Variants in CETN3 observed in about 807,000 individuals in gnomAD.
CETN3 encodes the protein centrin 3, also known as centrin-3.
A neutral mutation model predicts 20.1 loss-of-function variants in CETN3; 17 were observed. That is an observed-to-expected ratio of 0.85 (90% CI 0.58 to 1.27). CETN3 has a LOEUF of 1.27. CETN3 is among the 50% of genes most tolerant of loss of function. CETN3 has a pLI of 0.00. For missense variants in CETN3, 169 were observed against 191.2 expected, an observed-to-expected ratio of 0.88 and a Z score of 0.69; for synonymous variants, 52 against 59.7, an observed-to-expected ratio of 0.87 and a Z score of 0.59.
At position 90,393,204 on chromosome 5, in the gene CETN3, T is replaced by C. The variant is rs1458350157; in HGVS notation, c.*860A>G. The C allele has an allele frequency of 1.3e-5, 2 of 152,184 alleles. No individual in the cohort carries two copies. The highest frequency in any genetic ancestry group is 4.8e-5 in the African/African-American group (2 of 41,442). The allele number at this position is 152,184 out of a possible 1,614,324, so 9.4% of individuals were successfully genotyped here. A position where few individuals can be genotyped will look rare whatever the true frequency, so the allele number is the denominator to read the frequency against. On this transcript the variant is annotated 3_prime_UTR_variant, in exon 5 of 5. Coordinates refer to ENST00000283122, the MANE Select transcript of CETN3 (RefSeq NM_004365.4). ...TGGTGAATCACAGACTGTTCCTTCA[T>C]ATAGGTAAAACATAGACTTAAATTA...
chr5:90,400,534 G>A (rs1048596338), intron 3 of CETN3, among the ~76,000 whole-genome samples: 1 of 150,300 alleles, frequency 6.7e-6, no homozygotes, highest in Non-Finnish European at 1.5e-5. Context: ...GGTATTTATG[G>A]CCTTTACTAT....
At chr5:90,395,984 T>C in intron 4 of CETN3, 2 of 890,294 alleles carry the variant, frequency 2.2e-6, no homozygotes, top group South Asian at 5.2e-5. Context: ...CACAAAATAC[T>C]ATTTATTATT....
intron 2 of CETN3, among the ~76,000 whole-genome samples, chr5:90,406,135 C>T (rs763119071): frequency 9.9e-5 from 15 of 151,804 alleles, no homozygotes; most frequent in Non-Finnish European, 1.8e-4. Flanking sequence ...GAGAAAAAGG[C>T]GTGGCATAAA....
intron 3 of CETN3, among the ~76,000 whole-genome samples, chr5:90,402,901 G>A (rs1194660667): frequency 2.0e-5 from 3 of 152,166 alleles, no homozygotes; most frequent in Admixed American, 6.5e-5. Context: ...CCCAACCCCA[G>A]TACAGTACCT....
intron 2 of CETN3, among the ~76,000 whole-genome samples, chr5:90,406,111 T>G (rs966283685): frequency 2.0e-5 from 3 of 152,066 alleles, no homozygotes; most frequent in African/African-American, 7.2e-5. Flanking sequence ...TCTGAAGGGA[T>G]TAACAATCAA....
At chr5:90,396,312 A>G in intron 4 of CETN3, 1 of 985,200 alleles carries the variant, frequency 1.0e-6, no homozygotes. Flanking sequence ...GTAAGAACGT[A>G]ATACAAAATC....
chr5:90,393,649 G>T lies in CETN3; in HGVS notation c.*415C>A, dbSNP rs1039918050. On this transcript the variant is annotated 3_prime_UTR_variant, in exon 5 of 5. Coordinates refer to ENST00000283122, the MANE Select transcript of CETN3 (RefSeq NM_004365.4). The stretch of plus-strand genomic sequence containing the variant: ...GAAACTAGTAAAATTATAAAGGGAA[G>T]ATTTAAGAAATCCACTCTTGAGGGT... 1 of 152,238 alleles carries T rather than the reference G, an allele frequency of 6.6e-6. No individual in the cohort carries two copies. Among genetic ancestry groups the T allele is most frequent in the African/African-American group, 2.4e-5 (1 of 41,384 alleles). The allele number at this position is 152,238 out of a possible 1,614,324, so 9.4% of individuals were successfully genotyped here.
chr5:90,409,726 C>A lies in CETN3; in HGVS notation c.-65G>T. The A allele has an allele frequency of 6.3e-7, 1 of 1,596,860 alleles. No homozygotes were observed. The highest frequency in any genetic ancestry group is 8.6e-7 in the Non-Finnish European group (1 of 1,164,712). ...TAACCCCCTACCCAAGGCAGCAAGA[C>A]GCCCACAGCCGTTCAACAGACACGA... On this transcript the variant is annotated 5_prime_UTR_variant, in exon 1 of 5. Transcript: ENST00000283122.
At chr5:90,404,788 T>C (rs907712369) in intron 3 of CETN3, among the ~76,000 whole-genome samples, 5 of 151,936 alleles carry the variant, frequency 3.3e-5, no homozygotes, top group Non-Finnish European at 2.9e-5. Context: ...TTTGTGTATA[T>C]AGCAGAATTT....
intron 1 of CETN3, among the ~76,000 whole-genome samples, chr5:90,408,075 C>T (rs1310443056): frequency 1.3e-5 from 2 of 152,014 alleles, no homozygotes; most frequent in Non-Finnish European, 2.9e-5. Context: ...TTTTCTTTTT[C>T]CCAGCTTTTT....
Position 90,394,053 on chromosome 5 carries a change from C to A in CETN3, c.*11G>T. The A allele has an allele frequency of 6.6e-7, 1 of 1,516,968 alleles. No homozygotes were observed. The highest frequency in any genetic ancestry group is 2.3e-5 in the East Asian group (1 of 43,284). 94.0% of individuals were successfully genotyped at this position (1,516,968 alleles called of 1,614,324 possible). On this transcript the variant is annotated 3_prime_UTR_variant, in exon 5 of 5. Transcript: ENST00000283122. ...AACTGCAACATTCTTAGTGTTTATC[C>A]TTGTAATTCTTTAAATGTCACCAGT...
In CETN3 at chr5:90,402,200, C is replaced by T. The variant is rs143021840; in HGVS notation, c.269-2651G>A. Reference sequence around the variant, plus strand: ...TTCTTTTCACCCTCGCCATCCTCAGCGAAAAAAATAGTATTTTCTGTCTGC... The same window carrying T: ...TTCTTTTCACCCTCGCCATCCTCAGTGAAAAAAATAGTATTTTCTGTCTGC... On this transcript the variant is annotated intron_variant, in intron 3 of 4. Transcript: ENST00000283122. Among the ~76,000 whole-genome samples, 208 of 151,982 alleles carry T rather than the reference C, an allele frequency of 1.4e-3. 1 individual carries two copies. The highest frequency in any genetic ancestry group is 2.2e-3 in the Non-Finnish European group (148 of 67,918).
At chr5:90,396,641 T>C in intron 4 of CETN3, 2 of 981,566 alleles carry the variant, frequency 2.0e-6, no homozygotes, top group Non-Finnish European at 2.8e-6. Context: ...AATACATCCA[T>C]GATTAAAATA....
intron 3 of CETN3, among the ~76,000 whole-genome samples, chr5:90,401,840 G>GT (rs1303415464): frequency 1.3e-5 from 2 of 151,686 alleles, no homozygotes; most frequent in Non-Finnish European, 2.9e-5. Flanking sequence ...TGAGAATACT[G>GT]TTTTTTTTCT....
intron 2 of CETN3, among the ~76,000 whole-genome samples, chr5:90,406,028 CCAA>C (rs1486619548): frequency 6.6e-6 from 1 of 152,078 alleles, no homozygotes; most frequent in East Asian, 1.9e-4. Context: ...GACAAAGTAA[CCAA>C]CAAGTGTTTA....
chr5:90,403,360 T>C (rs947289948), intron 3 of CETN3, among the ~76,000 whole-genome samples: 2 of 152,220 alleles, frequency 1.3e-5, no homozygotes, highest in Non-Finnish European at 2.9e-5. Context: ...TACATTTTTA[T>C]TTGACACCTG....
At chr5:90,406,459 ATTAGAAAAG>A (rs1749445551) in intron 2 of CETN3, among the ~76,000 whole-genome samples, 1 of 151,640 alleles carries the variant, frequency 6.6e-6, no homozygotes, top group Admixed American at 6.6e-5. Flanking sequence ...CCTCACCTGA[ATTAGAAAAG>A]TTCAGGTGAG....
chr5:90,404,387 C>A (rs1290736354), intron 3 of CETN3, among the ~76,000 whole-genome samples: 6 of 152,166 alleles, frequency 3.9e-5, no homozygotes, highest in Non-Finnish European at 8.8e-5. Flanking sequence ...ATACAAACAC[C>A]TTGTTTCTAC....
At chr5:90,396,576 GA>G in intron 4 of CETN3, 1 of 1,516,722 alleles carries the variant, frequency 6.6e-7, no homozygotes, top group Non-Finnish European at 8.8e-7. Flanking sequence ...TGTATTAAGA[GA>G]AAAAACATAA....
Sources: allele counts gnomAD v4.1 joint callset (sites outside exome capture counted in the v4.1 genomes callset), GRCh38; gene constraint gnomAD v4.1.1; transcripts MANE v1.5; gene names NCBI Gene and HGNC (gene_info 2026-07-23, HGNC 2026-07-21).